RHOD: variants seen among roughly 807,000 people sequenced by gnomAD.
RHOD encodes the protein ras homolog family member D.
Under a neutral mutation model 16.7 loss-of-function variants are expected in RHOD, and 11 were observed. The ratio of observed to expected loss-of-function variants is 0.66; its 90% confidence interval spans 0.41 to 1.09. The LOEUF (loss-of-function observed/expected upper bound fraction) is 1.09, where lower values mean the gene tolerates loss of function less well. Ranked by LOEUF, RHOD falls within the 50% of genes least tolerant of loss-of-function variation. RHOD has a pLI of 0.00. For missense variants in RHOD, 271 were observed against 291.7 expected, an observed-to-expected ratio of 0.93 and a Z score of 0.52; for synonymous variants, 124 against 126.3, an observed-to-expected ratio of 0.98 and a Z score of 0.12.
At chr11:67,070,349 A>T in intron 3 of RHOD, 76 bp from the exon 4 acceptor site, 1 of 1,484,536 alleles carries the variant, frequency 6.7e-7, no homozygotes, top group Non-Finnish European at 9.4e-7. Context: ...GGGGAGCAAG[A>T]GAGTGGTCCA....
rs754235398 is a variant in RHOD at position 67,070,418 on chromosome 11, C to A, written c.331-7C>A. 1.7e-5 allele frequency: 27 copies of A among 1,613,788 alleles called. No homozygotes were observed. Among genetic ancestry groups the A allele is most frequent in the Admixed American group, 8.3e-5 (5 of 59,954 alleles). ...TGCCCCCCACATGCCCCCTCGCCCC[C>A]CTGCAGTGGTACCCAGAAGTGAATC... is the stretch of plus-strand genomic sequence containing the variant. On this transcript the variant is annotated splice_polypyrimidine_tract_variant and splice_region_variant and intron_variant, in intron 3 of 4. Transcript: ENST00000308831.
chr11:67,070,342 G>A, intron 3 of RHOD, 83 bp from the exon 4 acceptor site: 3 of 1,431,286 alleles, frequency 2.1e-6, no homozygotes, highest in South Asian at 1.2e-5. Flanking sequence ...TCAGGCTGGG[G>A]AGCAAGAGAG....
chr11:67,066,714 A>G, intron 2 of RHOD, 24 bp from the exon 3 acceptor site: 1 of 1,470,224 alleles, frequency 6.8e-7, no homozygotes, highest in Non-Finnish European at 9.5e-7. Flanking sequence ...CCCTGAAGGC[A>G]GTGACCACCT....
intron 1 of RHOD, among the ~76,000 whole-genome samples, chr11:67,065,326 G>A (rs1274757640): frequency 1.3e-5 from 2 of 152,056 alleles, no homozygotes; most frequent in Non-Finnish European, 2.9e-5. Context: ...CGCCCACTTC[G>A]GCCTCCCAAA....
chr11:67,066,012 G>GT, intron 2 of RHOD, 29 bp downstream of exon 2: 4 of 581,430 alleles, frequency 6.9e-6, no homozygotes, highest in Non-Finnish European at 1.4e-5. Context: ...GGCAGGGTGG[G>GT]AGGGGCTTCT....
intron 1 of RHOD, among the ~76,000 whole-genome samples, chr11:67,062,315 C>T (rs1401119928): frequency 1.3e-5 from 2 of 152,194 alleles, no homozygotes; most frequent in Admixed American, 6.5e-5. Flanking sequence ...CCTAAGGACA[C>T]ATAGCAGGTG....
intron 3 of RHOD, among the ~76,000 whole-genome samples, chr11:67,067,363 G>A (rs993874580): frequency 6.6e-6 from 1 of 152,104 alleles, no homozygotes; most frequent in Non-Finnish European, 1.5e-5. Context: ...CCGAGTTTCC[G>A]CAGGGTACAG....
chr11:67,063,420 G>T (rs1407191304), intron 1 of RHOD, among the ~76,000 whole-genome samples: 1 of 151,744 alleles, frequency 6.6e-6, no homozygotes, highest in East Asian at 1.9e-4. Context: ...CTGAGCCTGG[G>T]AGACAGAGGT....
At chr11:67,061,739 T>TAAAAA (rs1218968353) in intron 1 of RHOD, among the ~76,000 whole-genome samples, 2 of 96,120 alleles carry the variant, frequency 2.1e-5, no homozygotes, top group African/African-American at 8.4e-5. Flanking sequence ...AGACCCTCTC[T>TAAAAA]AAAAAAAAAA....
chr11:67,071,907 G>C lies in RHOD; in HGVS notation c.*305G>C. 1 of 360,778 alleles carries C rather than the reference G, an allele frequency of 2.8e-6. No homozygotes were observed. Among genetic ancestry groups the C allele is most frequent in the Non-Finnish European group, 5.0e-6 (1 of 201,916 alleles). The allele number at this position is 360,778 out of a possible 1,614,324, so 22.3% of individuals were successfully genotyped here. A position where few individuals can be genotyped will look rare whatever the true frequency, so the allele number is the denominator to read the frequency against. Reference sequence around the variant, plus strand: ...GATGCCCCCTCGTGGCTGCTCCCAGGGCTGCACCTGCCAGGACCTAATGTT... The same window carrying C: ...GATGCCCCCTCGTGGCTGCTCCCAGCGCTGCACCTGCCAGGACCTAATGTT... On this transcript the variant is annotated 3_prime_UTR_variant, in exon 5 of 5. Coordinates refer to ENST00000308831, the MANE Select transcript of RHOD (RefSeq NM_014578.4).
At chr11:67,070,746 C>T (rs1855019477) in intron 4 of RHOD, among the ~76,000 whole-genome samples, 187 bp downstream of exon 4, 1 of 152,086 alleles carries the variant, frequency 6.6e-6, no homozygotes, top group Non-Finnish European at 1.5e-5. Context: ...TGGGAGCCTC[C>T]ACAGGCAAAA....
At chr11:67,057,162 C>A in intron 1 of RHOD, 128 bp downstream of exon 1, 1 of 1,168,846 alleles carries the variant, frequency 8.6e-7, no homozygotes, top group Non-Finnish European at 1.1e-6. Context: ...GGCCTGGGGT[C>A]CAGGGCAGAG....
At chr11:67,061,149 GGAGA>G (rs371499858) in intron 1 of RHOD, among the ~76,000 whole-genome samples, 3 of 152,124 alleles carry the variant, frequency 2.0e-5, no homozygotes, top group African/African-American at 4.8e-5. Flanking sequence ...TGTGGCAGCA[GGAGA>G]GAGAGAGAAG....
intron 1 of RHOD, among the ~76,000 whole-genome samples, chr11:67,057,986 CTTCT>C (rs1024821759): frequency 2.0e-5 from 3 of 152,104 alleles, no homozygotes; most frequent in African/African-American, 4.8e-5. Flanking sequence ...TCCAGCATCT[CTTCT>C]TTTTTTTTAT....
intron 1 of RHOD, among the ~76,000 whole-genome samples, chr11:67,065,370 G>A (rs936858400): frequency 3.3e-5 from 5 of 152,078 alleles, no homozygotes; most frequent in African/African-American, 9.7e-5. Flanking sequence ...CAGCACACCC[G>A]GCCTTTTCGT....
At chr11:67,063,490 CTT>C (rs1233216193) in intron 1 of RHOD, among the ~76,000 whole-genome samples, 163 of 125,096 alleles carry the variant, frequency 1.3e-3, no homozygotes, top group African/African-American at 3.8e-3. Flanking sequence ...GAGACCCTAT[CTT>C]TTTTTTTTTT....
chr11:67,062,497 T>C (rs1854904785), intron 1 of RHOD, among the ~76,000 whole-genome samples: 1 of 152,048 alleles, frequency 6.6e-6, no homozygotes, highest in Non-Finnish European at 1.5e-5. Context: ...TGGTTCCTTT[T>C]GGTAGAGGGA....
chr11:67,065,694 T>C (rs574650979), intron 1 of RHOD, among the ~76,000 whole-genome samples: 1 of 152,204 alleles, frequency 6.6e-6, no homozygotes, highest in African/African-American at 2.4e-5. Context: ...ATTTCACAAC[T>C]GAGAACAAAG....
intron 1 of RHOD, among the ~76,000 whole-genome samples, chr11:67,063,416 C>T (rs1854915849): frequency 6.6e-6 from 1 of 151,596 alleles, no homozygotes; most frequent in African/African-American, 2.4e-5. Context: ...TCACCTGAGC[C>T]TGGGAGACAG....
Sources: gnomAD v4.1 joint callset for allele counts (sites outside exome capture counted in the v4.1 genomes callset) on GRCh38, gnomAD v4.1.1 for gene constraint, MANE v1.5 for transcripts, NCBI Gene and HGNC (gene_info 2026-07-23, HGNC 2026-07-21) for gene names.